Variants in SAMMSON observed in about 807,000 individuals in gnomAD.
SAMMSON encodes the protein survival associated mitochondrial melanoma specific oncogenic non-coding RNA.
At chr3:70,051,193 A>C (rs1019665840) in intron 3 of SAMMSON, among the ~76,000 whole-genome samples, 3 of 149,364 alleles carry the variant, frequency 2.0e-5, no homozygotes, top group Non-Finnish European at 4.5e-5. Context: ...TTGTTAGAGA[A>C]GGTAAAATGG....
intron 3 of SAMMSON, among the ~76,000 whole-genome samples, chr3:70,048,792 C>T (rs963457887): frequency 1.4e-4 from 21 of 151,984 alleles, no homozygotes; most frequent in Non-Finnish European, 2.4e-4. Flanking sequence ...GTGAATTGGT[C>T]GCTCTTATAG....
chr3:70,056,788 C>T lies in SAMMSON; in HGVS notation n.418-14688C>T, dbSNP rs143815770. Among the ~76,000 whole-genome samples the T allele has an allele frequency of 3.9e-4, 59 of 152,146 alleles. No individual in the cohort carries two copies. The East Asian group carries it at 0.011, about 29-fold the overall frequency. ...GATAAACAGCCCTAATCCAGATACT[C>T]TTTCCACTGTATTAGGCAGTGTTCA... On this transcript the variant is annotated intron_variant and non_coding_transcript_variant, in intron 3 of 9. Coordinates refer to ENST00000642114, the Ensembl canonical transcript of SAMMSON.
chr3:70,294,387 T>C (rs1321820756), intron 7 of SAMMSON, among the ~76,000 whole-genome samples: 2 of 152,152 alleles, frequency 1.3e-5, no homozygotes, highest in Non-Finnish European at 2.9e-5. Flanking sequence ...TTATAAGCAT[T>C]CACTGCTGAC....
intron 7 of SAMMSON, among the ~76,000 whole-genome samples, chr3:70,342,845 T>G (rs1164147745): frequency 6.6e-6 from 1 of 152,174 alleles, no homozygotes; most frequent in Non-Finnish European, 1.5e-5. Context: ...TTGCCCTTTT[T>G]CTTTGGCCAG....
intron 3 of SAMMSON, among the ~76,000 whole-genome samples, chr3:70,041,546 T>C (rs144804742): frequency 1.3e-3 from 200 of 152,148 alleles, no homozygotes; most frequent in African/African-American, 3.9e-3. Flanking sequence ...CTTAGTGACA[T>C]TGGTGACATA....
chr3:70,384,831 T>C lies in SAMMSON; in HGVS notation n.914-4743T>C, dbSNP rs531456871. ...ATTTTTTTCGTCTATCCAAGTGTTA[T>C]CCAATAGAGCTTTCTAGGATGATGG... On this transcript the variant is annotated intron_variant and non_coding_transcript_variant, in intron 9 of 9. Coordinates refer to ENST00000642114, the Ensembl canonical transcript of SAMMSON. 1.1e-4 allele frequency among the ~76,000 whole-genome samples: 17 copies of C among 152,206 alleles called. No homozygotes were observed. The East Asian group carries it at 3.3e-3, about 29-fold the overall frequency.
Position 70,001,922 on chromosome 3 carries a change from A to C in SAMMSON, n.22+2055A>C, listed in dbSNP as rs186660824. ...CAGGCTCCTGTCCATTCTGTGGATC[A>C]ACTCATATTGCTCCAATTCATTTTG... is the stretch of plus-strand genomic sequence containing the variant. On this transcript the variant is annotated intron_variant and non_coding_transcript_variant, in intron 1 of 9. Transcript: ENST00000642114. Among the ~76,000 whole-genome samples, 422 of 152,332 alleles carry C rather than the reference A, an allele frequency of 2.8e-3. 2 individuals are homozygous for C. Among genetic ancestry groups the C allele is most frequent in the Middle Eastern group, 0.014 (4 of 294 alleles).
intron 2 of SAMMSON, among the ~76,000 whole-genome samples, chr3:70,414,451 G>T (rs1016960196): frequency 1.3e-5 from 2 of 152,028 alleles, no homozygotes; most frequent in African/African-American, 4.8e-5. Flanking sequence ...GCAATAAAAG[G>T]CATCCCCTGC....
intron 2 of SAMMSON, among the ~76,000 whole-genome samples, chr3:70,424,079 T>G (rs1367605695): frequency 6.6e-6 from 1 of 152,194 alleles, no homozygotes; most frequent in Non-Finnish European, 1.5e-5. Flanking sequence ...ACAATTGATT[T>G]CCATTGTGTA....
intron 4 of SAMMSON, among the ~76,000 whole-genome samples, chr3:70,154,230 T>G (rs2067583007): frequency 1.3e-5 from 2 of 152,018 alleles, no homozygotes. Context: ...CAATACTATA[T>G]AGGGATTTCT....
chr3:70,363,817 TG>T (rs1198882901), intron 9 of SAMMSON, among the ~76,000 whole-genome samples: 2 of 146,264 alleles, frequency 1.4e-5, no homozygotes, highest in Admixed American at 1.4e-4. Context: ...TGTGTGTGTG[TG>T]TGTGTGTGTG....
intron 6 of SAMMSON, among the ~76,000 whole-genome samples, chr3:70,285,105 G>A (rs1168294123): frequency 6.8e-6 from 1 of 146,360 alleles, no homozygotes; most frequent in Non-Finnish European, 1.5e-5. Context: ...TGTGCACATT[G>A]TGCAGGTTAG....
intron 2 of SAMMSON, among the ~76,000 whole-genome samples, chr3:70,396,747 T>A (rs971415864): frequency 6.6e-6 from 1 of 152,154 alleles, no homozygotes; most frequent in African/African-American, 2.4e-5. Flanking sequence ...AATTTAATCC[T>A]AATCTTTTCC....
intron 9 of SAMMSON, among the ~76,000 whole-genome samples, chr3:70,370,144 C>A (rs1040359454): frequency 2.6e-5 from 4 of 151,894 alleles, no homozygotes; most frequent in Non-Finnish European, 5.9e-5. Context: ...GACATGATGT[C>A]ATTCTTTCTT....
Position 70,372,313 on chromosome 3 carries a change from T to A in SAMMSON, n.913+13989T>A, listed in dbSNP as rs907611408. Among the ~76,000 whole-genome samples, 8 of 152,044 alleles carry A rather than the reference T, an allele frequency of 5.3e-5. No homozygotes were observed. The South Asian group carries it at 1.5e-3, about 28-fold the overall frequency. On this transcript the variant is annotated intron_variant and non_coding_transcript_variant, in intron 9 of 9. Transcript: ENST00000642114. ...ATTTCATGTATTTTATTTTTATTTA[T>A]ATATTTATTTATTTTTGATACAGAG...
At chr3:70,060,731 C>A (rs556109924) in intron 3 of SAMMSON, among the ~76,000 whole-genome samples, 1 of 152,124 alleles carries the variant, frequency 6.6e-6, no homozygotes, top group Non-Finnish European at 1.5e-5. Context: ...AAAGAATGAT[C>A]TGGCCCAACA....
intron 3 of SAMMSON, among the ~76,000 whole-genome samples, chr3:70,034,117 A>G (rs1260759915): frequency 6.6e-6 from 1 of 152,158 alleles, no homozygotes; most frequent in Admixed American, 6.5e-5. Flanking sequence ...GCCTGAGAAT[A>G]AATGGTGAAG....
At chr3:70,136,944 T>G (rs976626487) in intron 4 of SAMMSON, among the ~76,000 whole-genome samples, 1 of 152,226 alleles carries the variant, frequency 6.6e-6, no homozygotes, top group Admixed American at 6.5e-5. Flanking sequence ...AGAGTCTTTA[T>G]GTGTATATGA....
At chr3:70,409,498 A>G (rs984730049) in intron 2 of SAMMSON, among the ~76,000 whole-genome samples, 1 of 152,110 alleles carries the variant, frequency 6.6e-6, no homozygotes, top group Non-Finnish European at 1.5e-5. Context: ...AAAAACTTTA[A>G]ATGTGTAAAG....
Sources: gnomAD v4.1 joint callset for allele counts (sites outside exome capture counted in the v4.1 genomes callset) on GRCh38, gnomAD v4.1.1 for gene constraint, MANE v1.5 for transcripts, NCBI Gene and HGNC (gene_info 2026-07-23, HGNC 2026-07-21) for gene names.